DYNC2I1: variants seen among roughly 807,000 people sequenced by gnomAD.
The protein encoded by DYNC2I1 is cytoplasmic dynein 2 intermediate chain 1.
In DYNC2I1, 89 loss-of-function variants were observed where a neutral mutation model predicts 133.4. The ratio of observed to expected loss-of-function variants is 0.67; its 90% CI spans 0.56 to 0.80. The LOEUF (loss-of-function observed/expected upper bound fraction) is 0.80, where lower values mean the gene tolerates loss of function less well. DYNC2I1 is among the 30% of genes least tolerant of loss of function. The pLI, the probability that DYNC2I1 is intolerant of heterozygous loss-of-function variation, is 0.00. For synonymous variants in DYNC2I1, 504 were observed against 484.3 expected (o/e 1.04, Z -0.54); for missense variants, 1,291 against 1,314.5 (o/e 0.98, Z 0.28).
intron 6 of DYNC2I1, among the ~76,000 whole-genome samples, chr7:158,886,032 C>T (rs1477395613): frequency 2.7e-5 from 4 of 148,488 alleles, no homozygotes; most frequent in Non-Finnish European, 4.5e-5. Flanking sequence ...TTTTATATTA[C>T]ATATTATATA....
intron 4 of DYNC2I1, 60 bp downstream of exon 4, chr7:158,876,751 A>G: frequency 6.7e-7 from 1 of 1,489,080 alleles, no homozygotes; most frequent in Non-Finnish European, 8.9e-7. Flanking sequence ...AGGATGTTTT[A>G]AGCATTATTG....
chr7:158,859,714 G>A lies in DYNC2I1; in HGVS notation c.15+2964G>A, dbSNP rs80313301. ...GACGGGATTTCATCGTGTTGTCCAG[G>A]CTGGTCTTGATCCGCCCACCTCGGC... On this transcript the variant is annotated intron_variant, in intron 1 of 24. Transcript: ENST00000407559. Among the ~76,000 whole-genome samples the A allele has an allele frequency of 6.2e-3, 938 of 152,222 alleles. 62 individuals carry two copies. In the East Asian group the frequency reaches 0.13, roughly 21 times the overall value.
At position 158,911,550 on chromosome 7, in the gene DYNC2I1, G is replaced by A. The variant is rs1187144079; in HGVS notation, c.1461G>A (p.Lys487=). The change falls in exon 12 of 25, where the codon AAG becomes AAA. Residue 487 remains lysine, a splice_region_variant and synonymous_variant. Transcript: ENST00000407559. The stretch of plus-strand genomic sequence containing the variant: ...GTCTTGTTTCCAATTTATTTCAAAG[G>A]ATGCGAAGTACAAAACTGCTTCGGC... ...QKSRTQALKQ[K]MRSTKLLRLI... The A allele has an allele frequency of 6.2e-7, 1 of 1,611,968 alleles. No homozygotes were observed.
downstream of DYNC2I1, among the ~76,000 whole-genome samples, chr7:158,957,389 GACT>G (rs1434154571): frequency 6.6e-6 from 1 of 152,232 alleles, no homozygotes; most frequent in Non-Finnish European, 1.5e-5. Context: ...GTTGTGGATA[GACT>G]ACTTCTTTGT....
intron 11 of DYNC2I1, 142 bp downstream of exon 11, chr7:158,906,233 G>C: frequency 1.5e-6 from 1 of 683,802 alleles, no homozygotes. Flanking sequence ...CTACACTTTT[G>C]TGTTGAGATC....
At chr7:158,855,599 A>G (rs914878923), upstream of DYNC2I1, among the ~76,000 whole-genome samples, 27 of 152,236 alleles carry the variant, frequency 1.8e-4, no homozygotes, top group African/African-American at 6.5e-4. Flanking sequence ...TAAATTATAA[A>G]ATATAAACTA....
chr7:158,906,849 C>T (rs1384163525), intron 11 of DYNC2I1, among the ~76,000 whole-genome samples: 1 of 152,180 alleles, frequency 6.6e-6, no homozygotes, highest in African/African-American at 2.4e-5. Flanking sequence ...TAAATATTTA[C>T]TAAATGAAAA....
intron 1 of DYNC2I1, among the ~76,000 whole-genome samples, chr7:158,866,518 C>G (rs999193360): frequency 6.6e-6 from 1 of 152,030 alleles, no homozygotes; most frequent in Admixed American, 6.6e-5. Flanking sequence ...TCTGGTCACT[C>G]GTGTCCTGGG....
At chr7:158,902,996 A>G (rs944670317) in intron 10 of DYNC2I1, 1 of 177,552 alleles carries the variant, frequency 5.6e-6, no homozygotes, top group Non-Finnish European at 1.2e-5. Context: ...CTTTGCAACC[A>G]GCGTTTTATC....
intron 23 of DYNC2I1, among the ~76,000 whole-genome samples, chr7:158,936,315 C>T (rs938188522): frequency 4.6e-5 from 7 of 152,156 alleles, no homozygotes; most frequent in African/African-American, 1.7e-4. Context: ...GCACCAAGAT[C>T]TTCACCAATA....
the DYNC2I1 span, among the ~76,000 whole-genome samples, chr7:158,850,542 A>G: frequency 6.6e-6 from 1 of 152,244 alleles, no homozygotes; most frequent in Non-Finnish European, 1.5e-5. Flanking sequence ...CAGTGCTATC[A>G]ATTGTAAATG....
At chr7:158,918,188 G>A (rs9654726) in intron 14 of DYNC2I1, among the ~76,000 whole-genome samples, 26,436 of 151,742 alleles carry the variant, frequency 0.17, 2,541 homozygotes, top group African/African-American at 0.24. Flanking sequence ...CCTCTTCCTC[G>A]CACAAATCCT....
intron 8 of DYNC2I1, among the ~76,000 whole-genome samples, chr7:158,901,527 A>G (rs1172651679): frequency 6.6e-6 from 1 of 152,216 alleles, no homozygotes; most frequent in East Asian, 1.9e-4. Flanking sequence ...CCCAAAAAGG[A>G]TGTTTACTGT....
intron 21 of DYNC2I1, among the ~76,000 whole-genome samples, chr7:158,933,606 A>G (rs1481394870): frequency 1.3e-5 from 2 of 152,236 alleles, no homozygotes; most frequent in South Asian, 2.1e-4. Flanking sequence ...CCACAAGCTG[A>G]GATGTTAGCA....
chr7:158,903,338 A>G (rs1229760994), intron 10 of DYNC2I1: 1 of 112,902 alleles, frequency 8.9e-6, no homozygotes, highest in African/African-American at 4.7e-5. Context: ...CTTTAAAGGA[A>G]AACTGACATT....
At chr7:158,881,418 G>A (rs1164417493) in intron 5 of DYNC2I1, among the ~76,000 whole-genome samples, 3 of 152,116 alleles carry the variant, frequency 2.0e-5, no homozygotes, top group Non-Finnish European at 1.5e-5. Flanking sequence ...AGCTCCTTGA[G>A]GACAGATACT....
At chr7:158,949,545 G>T (rs1851990678), downstream of DYNC2I1, among the ~76,000 whole-genome samples, 1 of 152,222 alleles carries the variant, frequency 6.6e-6, no homozygotes, top group African/African-American at 2.4e-5. Context: ...CATGACAGCA[G>T]AGGCAGTGCC....
chr7:158,847,674 T>C, the DYNC2I1 span, among the ~76,000 whole-genome samples: 181 of 152,284 alleles, frequency 1.2e-3, 1 homozygote, highest in African/African-American at 4.2e-3. Flanking sequence ...CTGTAATAGC[T>C]AAAATGAAAG....
At chr7:158,870,151 G>A (rs966434942) in intron 2 of DYNC2I1, among the ~76,000 whole-genome samples, 1 of 152,174 alleles carries the variant, frequency 6.6e-6, no homozygotes, top group Non-Finnish European at 1.5e-5. Context: ...ACTGCTTTAG[G>A]GCAGGGAGTG....
Sources: allele counts gnomAD v4.1 joint callset (sites outside exome capture counted in the v4.1 genomes callset), GRCh38; gene constraint gnomAD v4.1.1; transcripts MANE v1.5; gene names NCBI Gene and HGNC (gene_info 2026-07-23, HGNC 2026-07-21).